Variants in MAML2 observed in about 807,000 individuals in gnomAD.
The protein encoded by MAML2 is mastermind like transcriptional coactivator 2, also known as mastermind-like protein 2.
MAML2 carries 22 observed loss-of-function variants against 96.1 expected under a neutral mutation model. The ratio of observed to expected loss-of-function variants is 0.23; its 90% CI spans 0.16 to 0.33. The LOEUF (loss-of-function observed/expected upper bound fraction) is 0.33, where lower values mean the gene tolerates loss of function less well. Among genes scored for constraint, MAML2 ranks in the 10% least tolerant of loss-of-function variants. MAML2 has a pLI of 1.00. For missense variants in MAML2, 1,367 were observed against 1,392.4 expected, an observed-to-expected ratio of 0.98 and a Z score of 0.29; for synonymous variants, 561 against 521.3, an observed-to-expected ratio of 1.08 and a Z score of -1.04.
Position 96,306,177 on chromosome 11 carries a change from A to T in MAML2, c.513+35206T>A, listed in dbSNP as rs570814625. 7.2e-5 allele frequency among the ~76,000 whole-genome samples: 11 copies of T among 152,272 alleles called. No homozygotes were observed. The South Asian group carries it at 1.5e-3, about 20-fold the overall frequency. ...GTGCACTTCAGTTGTGCCTTTGATC[A>T]CTGCACGAGCCCAGGCCCACAATAT... On this transcript the variant is annotated intron_variant, in intron 1 of 4. Transcript: ENST00000524717.
intron 1 of MAML2, 136 bp from the exon 2 acceptor site, chr11:96,093,653 G>A (rs1859775737): frequency 3.1e-6 from 2 of 655,490 alleles, no homozygotes; most frequent in Non-Finnish European, 5.1e-6. Flanking sequence ...ATGGCACAGA[G>A]AGAGCACAAA....
chr11:96,141,140 T>A (rs1211500373), intron 1 of MAML2, among the ~76,000 whole-genome samples: 1 of 152,132 alleles, frequency 6.6e-6, no homozygotes. Flanking sequence ...GGAAGAAGGA[T>A]GACATGACAT....
At chr11:96,086,833 A>G (rs1431615443) in intron 2 of MAML2, among the ~76,000 whole-genome samples, 1 of 152,196 alleles carries the variant, frequency 6.6e-6, no homozygotes, top group Non-Finnish European at 1.5e-5. Context: ...GATTCAGATA[A>G]GGCAAGGTCA....
intron 1 of MAML2, among the ~76,000 whole-genome samples, chr11:96,096,333 C>A (rs974698271): frequency 2.0e-5 from 3 of 152,152 alleles, no homozygotes; most frequent in African/African-American, 7.2e-5. Flanking sequence ...AATAATGAGT[C>A]ATTTATTGAA....
At position 96,059,427 on chromosome 11, in the gene MAML2, C is replaced by G. The variant is rs79407655; in HGVS notation, c.2139+32465G>C. 2.8e-4 allele frequency among the ~76,000 whole-genome samples: 43 copies of G among 152,270 alleles called. No homozygotes were observed. The East Asian group carries it at 8.3e-3, about 29-fold the overall frequency. On this transcript the variant is annotated intron_variant, in intron 2 of 4. Coordinates refer to ENST00000524717, the MANE Select transcript of MAML2 (RefSeq NM_032427.4). ...ACTTTGAGTCAGATTTTTAAAACCCCTACTTTCTTGTTCTCTGTGCATGGT... is the reference window on the plus strand; with the variant it reads ...ACTTTGAGTCAGATTTTTAAAACCCGTACTTTCTTGTTCTCTGTGCATGGT...
chr11:96,258,377 ATAT>A (rs746717463), intron 1 of MAML2, among the ~76,000 whole-genome samples: 1 of 152,222 alleles, frequency 6.6e-6, no homozygotes, highest in South Asian at 2.1e-4. Flanking sequence ...TATGTGGATT[ATAT>A]TTTCTAGTGC....
chr11:96,262,419 C>T (rs1862762292), intron 1 of MAML2, among the ~76,000 whole-genome samples: 1 of 151,744 alleles, frequency 6.6e-6, no homozygotes, highest in African/African-American at 2.4e-5. Flanking sequence ...TTTCTTTCCT[C>T]TTGTTTTTCC....
At chr11:96,288,404 T>C (rs1863167301) in intron 1 of MAML2, among the ~76,000 whole-genome samples, 2 of 152,112 alleles carry the variant, frequency 1.3e-5, no homozygotes, top group South Asian at 4.1e-4. Flanking sequence ...TAGCTGGACA[T>C]GATGACAGGC....
intron 1 of MAML2, among the ~76,000 whole-genome samples, chr11:96,334,939 CT>C (rs1329801861): frequency 6.6e-6 from 1 of 152,166 alleles, no homozygotes; most frequent in Non-Finnish European, 1.5e-5. Context: ...TTCATGTCCT[CT>C]ATAGGGAAGT....
At chr11:96,120,893 A>G (rs1860327668) in intron 1 of MAML2, among the ~76,000 whole-genome samples, 1 of 152,192 alleles carries the variant, frequency 6.6e-6, no homozygotes. Context: ...GTTAAATTAC[A>G]AAGATCCTCA....
intron 2 of MAML2, among the ~76,000 whole-genome samples, chr11:96,088,073 G>A (rs753511024): frequency 6.6e-6 from 1 of 152,146 alleles, no homozygotes. Flanking sequence ...TAAAGAAGTG[G>A]GGCAGAGAAC....
intron 1 of MAML2, among the ~76,000 whole-genome samples, chr11:96,149,791 T>C (rs1344717536): frequency 6.6e-6 from 1 of 152,154 alleles, no homozygotes; most frequent in Non-Finnish European, 1.5e-5. Flanking sequence ...GTCTGCTCTC[T>C]GTCTCCTTCT....
At chr11:96,318,958 T>C (rs143894872) in intron 1 of MAML2, among the ~76,000 whole-genome samples, 1 of 152,348 alleles carries the variant, frequency 6.6e-6, no homozygotes, top group Non-Finnish European at 1.5e-5. Flanking sequence ...GGTACTCATA[T>C]CCTGTGTAGT....
intron 2 of MAML2, among the ~76,000 whole-genome samples, chr11:96,075,406 C>T (rs1859418541): frequency 6.6e-6 from 1 of 152,180 alleles, no homozygotes; most frequent in African/African-American, 2.4e-5. Flanking sequence ...ACAAGCATTG[C>T]AAAGTCTGAC....
intron 1 of MAML2, among the ~76,000 whole-genome samples, chr11:96,246,747 C>T (rs779169408): frequency 6.6e-6 from 1 of 152,012 alleles, no homozygotes; most frequent in Non-Finnish European, 1.5e-5. Flanking sequence ...AGTATCATAC[C>T]CAGGATTGTA....
chr11:96,253,727 T>C (rs1862620237), intron 1 of MAML2, among the ~76,000 whole-genome samples: 1 of 152,232 alleles, frequency 6.6e-6, no homozygotes, highest in Non-Finnish European at 1.5e-5. Flanking sequence ...AATGGAAAGG[T>C]AAATTCTCTC....
At chr11:96,260,611 A>C (rs957205801) in intron 1 of MAML2, among the ~76,000 whole-genome samples, 4 of 152,180 alleles carry the variant, frequency 2.6e-5, no homozygotes, top group African/African-American at 9.7e-5. Context: ...GTTTAAGACT[A>C]TGAGAGAAAG....
At chr11:96,141,807 G>A (rs751503391) in intron 1 of MAML2, among the ~76,000 whole-genome samples, 62 of 152,248 alleles carry the variant, frequency 4.1e-4, no homozygotes, top group Non-Finnish European at 6.6e-4. Context: ...AGCTAGGACC[G>A]CCTCCATGTC....
chr11:96,229,001 C>T (rs1862254062), intron 1 of MAML2, among the ~76,000 whole-genome samples: 1 of 151,554 alleles, frequency 6.6e-6, no homozygotes, highest in African/African-American at 2.4e-5. Context: ...AGTCTCTCAC[C>T]TCCTGAGGCA....
Sources: gnomAD v4.1 joint callset for allele counts (sites outside exome capture counted in the v4.1 genomes callset) on GRCh38, gnomAD v4.1.1 for gene constraint, MANE v1.5 for transcripts, NCBI Gene and HGNC (gene_info 2026-07-23, HGNC 2026-07-21) for gene names.